The following COBL variants were observed in gnomAD, a reference collection of about 807,000 sequenced individuals.
COBL encodes protein cordon-bleu.
Under a neutral mutation model 98.8 loss-of-function variants are expected in COBL, and 51 were observed. That is an observed-to-expected ratio of 0.52 (90% CI 0.41 to 0.65). The LOEUF (loss-of-function observed/expected upper bound fraction) is 0.65. Among genes scored for constraint, COBL ranks in the 30% least tolerant of loss-of-function variants. The probability of loss-of-function intolerance (pLI) is 0.00; values close to 1 mark genes in which losing one functional copy is unlikely to be tolerated. For synonymous variants in COBL, 634 were observed against 651.7 expected (o/e 0.97, Z 0.41); for missense variants, 1,617 against 1,617.5 (o/e 1.00, Z 0.01).
chr7:51,259,125 T>G (rs1472300407), intron 1 of COBL, among the ~76,000 whole-genome samples: 1 of 151,888 alleles, frequency 6.6e-6, no homozygotes, highest in Non-Finnish European at 1.5e-5. Flanking sequence ...CTGTCTCTAC[T>G]AAAAATACAA....
At chr7:51,299,107 G>A (rs1801674299) in intron 1 of COBL, among the ~76,000 whole-genome samples, 2 of 152,182 alleles carry the variant, frequency 1.3e-5, no homozygotes, top group African/African-American at 4.8e-5. Flanking sequence ...AGGCCAGACA[G>A]GCTGCACAGC....
intron 5 of COBL, among the ~76,000 whole-genome samples, chr7:51,177,907 G>T (rs1306329816): frequency 6.6e-6 from 1 of 152,126 alleles, no homozygotes; most frequent in African/African-American, 2.4e-5. Context: ...CACTTTGAGA[G>T]GTTGAGGTGG....
At chr7:51,278,097 A>G (rs923694170) in intron 1 of COBL, among the ~76,000 whole-genome samples, 10 of 152,312 alleles carry the variant, frequency 6.6e-5, no homozygotes, top group Admixed American at 1.3e-4. Flanking sequence ...CTAAAAACAT[A>G]GTGGCCAGCC....
chr7:51,255,397 A>C (rs1409487043), intron 1 of COBL, among the ~76,000 whole-genome samples: 3 of 152,154 alleles, frequency 2.0e-5, no homozygotes, highest in Admixed American at 6.5e-5. Flanking sequence ...CTCTTTATAA[A>C]ATTATTAGGG....
intron 1 of COBL, among the ~76,000 whole-genome samples, chr7:51,250,337 T>A (rs542121271): frequency 6.6e-6 from 1 of 152,326 alleles, no homozygotes; most frequent in Non-Finnish European, 1.5e-5. Flanking sequence ...TTACTGCCAG[T>A]TGCCTATGCT....
Position 51,155,589 on chromosome 7 carries a change from C to CAAAAAA in COBL, c.784-19264_784-19259dup, listed in dbSNP as rs58500324. On this transcript the variant is annotated intron_variant, in intron 5 of 12. Coordinates refer to ENST00000265136, the MANE Select transcript of COBL (RefSeq NM_015198.5). ...TAGGTGACAGAGCAAGACTCCATCT[C>CAAAAAA]AAAAAAAAAAAAAAAAAAAAAAAAA... Among the ~76,000 whole-genome samples the CAAAAAA allele has an allele frequency of 1.6e-3, 49 of 30,792 alleles. 1 individual carries two copies. The highest frequency in any genetic ancestry group is 6.0e-3 in the East Asian group (4 of 662). The allele number at this position is 30,792 out of a possible 152,430, so 20.2% of individuals were successfully genotyped here. A position where few individuals can be genotyped will look rare whatever the true frequency, so the allele number is the denominator to read the frequency against.
intron 8 of COBL, chr7:51,031,153 T>A: frequency 1.1e-5 from 5 of 467,920 alleles, no homozygotes; most frequent in Non-Finnish European, 1.9e-5. Context: ...GGAGTATATG[T>A]CTTGTATGTG....
chr7:51,255,280 A>C (rs552397394), intron 1 of COBL, among the ~76,000 whole-genome samples: 1 of 152,350 alleles, frequency 6.6e-6, no homozygotes, highest in South Asian at 2.1e-4. Context: ...GGGCAGTGTC[A>C]TCAGTGTTAC....
At chr7:51,293,804 T>C (rs1180275421) in intron 1 of COBL, among the ~76,000 whole-genome samples, 1 of 152,150 alleles carries the variant, frequency 6.6e-6, no homozygotes, top group Non-Finnish European at 1.5e-5. Context: ...GGCTGTCCCA[T>C]GCTCAGTAAG....
intron 6 of COBL, among the ~76,000 whole-genome samples, chr7:51,120,544 T>C (rs114781088): frequency 0.011 from 1,685 of 152,346 alleles, 35 homozygotes; most frequent in African/African-American, 0.039. Flanking sequence ...AGTTCAGTAG[T>C]GTTAAGTACA....
chr7:51,019,075 A>G (rs760102018), intron 12 of COBL, among the ~76,000 whole-genome samples: 128 of 151,176 alleles, frequency 8.5e-4, no homozygotes, highest in South Asian at 2.8e-3. Flanking sequence ...CCTCTGATCT[A>G]CTTGTACAAA....
chr7:51,103,514 T>C (rs1795995466), intron 6 of COBL, among the ~76,000 whole-genome samples: 1 of 152,216 alleles, frequency 6.6e-6, no homozygotes. Context: ...TTTCTCACCA[T>C]GTGGCATACT....
intron 6 of COBL, among the ~76,000 whole-genome samples, chr7:51,134,683 AT>A (rs2129004734): frequency 1.3e-5 from 2 of 152,356 alleles, no homozygotes; most frequent in African/African-American, 4.8e-5. Flanking sequence ...GCAAAAAGAT[AT>A]TCCCAGGGGC....
At chr7:51,093,650 G>A (rs1795014076) in intron 6 of COBL, among the ~76,000 whole-genome samples, 1 of 152,210 alleles carries the variant, frequency 6.6e-6, no homozygotes, top group African/African-American at 2.4e-5. Context: ...CTAGCACTTT[G>A]GGAGGTTGAG....
chr7:51,080,418 G>A (rs1793528752), intron 7 of COBL, among the ~76,000 whole-genome samples: 1 of 152,202 alleles, frequency 6.6e-6, no homozygotes, highest in Non-Finnish European at 1.5e-5. Flanking sequence ...TCCCCTGGGA[G>A]TTCCTGCAGT....
intron 1 of COBL, among the ~76,000 whole-genome samples, chr7:51,312,159 T>TAA (rs59322709): frequency 6.9e-6 from 1 of 144,200 alleles, no homozygotes; most frequent in African/African-American, 2.5e-5. Context: ...TCGTCTCTAT[T>TAA]AAAAAAAAAA....
chr7:51,082,276 A>G (rs1390480133), intron 7 of COBL, among the ~76,000 whole-genome samples: 1 of 152,214 alleles, frequency 6.6e-6, no homozygotes, highest in African/African-American at 2.4e-5. Flanking sequence ...TACACAGCCC[A>G]GGATGGCACT....
In COBL at chr7:51,016,989, G is replaced by A; in HGVS notation, c.*562C>T. The A allele has an allele frequency of 7.4e-6, 3 of 403,868 alleles. No homozygotes were observed. The highest frequency in any genetic ancestry group is 4.4e-6 in the Non-Finnish European group (1 of 229,546). The allele number at this position is 403,868 out of a possible 1,614,324, so 25.0% of individuals were successfully genotyped here. On this transcript the variant is annotated 3_prime_UTR_variant, in exon 13 of 13. Coordinates refer to ENST00000265136, the MANE Select transcript of COBL (RefSeq NM_015198.5). ...GTGTTAGCCCCAAATATTTGAGGAA[G>A]AAGAATCCAGCAGTTTTACTACCTA...
At chr7:51,160,942 C>T (rs534003232) in intron 5 of COBL, among the ~76,000 whole-genome samples, 1 of 151,198 alleles carries the variant, frequency 6.6e-6, no homozygotes, top group Non-Finnish European at 1.5e-5. Flanking sequence ...CTCACTCTGT[C>T]GCCCAGGCTG....
Sources: allele counts gnomAD v4.1 joint callset (sites outside exome capture counted in the v4.1 genomes callset), GRCh38; gene constraint gnomAD v4.1.1; transcripts MANE v1.5; gene names NCBI Gene and HGNC (gene_info 2026-07-23, HGNC 2026-07-21).